Variants in PRM2 observed in about 807,000 individuals in gnomAD.
The protein encoded by PRM2 is protamine 2, also known as protamine-2.
A neutral mutation model predicts 10.7 loss-of-function variants in PRM2; 6 were observed. The ratio of observed to expected loss-of-function variants is 0.56; its 90% confidence interval spans 0.31 to 1.11. PRM2 has a LOEUF of 1.11. PRM2 is among the 50% of genes least tolerant of loss of function. The probability of loss-of-function intolerance (pLI) is 0.06; values close to 1 mark genes in which losing one functional copy is unlikely to be tolerated. For synonymous variants in PRM2, 64 were observed against 54.8 expected, an observed-to-expected ratio of 1.17 and a Z score of -0.74; for missense variants, 194 against 147.7, an observed-to-expected ratio of 1.31 and a Z score of -1.62.
chr16:11,276,452 T>C lies in PRM2; in HGVS notation c.-82A>G. On this transcript the variant is annotated 5_prime_UTR_variant, in exon 1 of 2. Coordinates refer to ENST00000241808, the MANE Select transcript of PRM2 (RefSeq NM_002762.4). ...GGAGGAGGGCGGAGGCCTGCCCACC[T>C]GCCCTTGGTGTTACTGTTGGTCTGG... 1 of 1,571,686 alleles carries C rather than the reference T, an allele frequency of 6.4e-7. No homozygotes were observed. The highest frequency in any genetic ancestry group is 8.7e-7 in the Non-Finnish European group (1 of 1,153,354).
In PRM2 at chr16:11,276,296, C is replaced by T. The variant is rs768979708; in HGVS notation, c.75G>A (p.Glu25=). The T allele has an allele frequency of 6.2e-7, 1 of 1,614,266 alleles. No homozygotes were observed. The highest frequency in any genetic ancestry group is 8.5e-7 in the Non-Finnish European group (1 of 1,180,046). Reference sequence around the variant, plus strand: ...GCTCCTCTTGGCCGTGGTGTCCTTGCTCTTGCCCATGCAACTGCTGCCTGT... The same window carrying T: ...GCTCCTCTTGGCCGTGGTGTCCTTGTTCTTGCCCATGCAACTGCTGCCTGT... ...EVYRQQLHGQ[E]QGHHGQEEQG... Residue 25 remains glutamate (E), a synonymous_variant, in exon 1 of 2, where the codon GAG becomes GAA. Coordinates refer to ENST00000241808, the MANE Select transcript of PRM2 (RefSeq NM_002762.4).
Position 11,276,440 on chromosome 16 carries a change from G to A in PRM2, c.-70C>T. 1 of 1,594,180 alleles carries A rather than the reference G, an allele frequency of 6.3e-7. No individual in the cohort carries two copies. Among genetic ancestry groups the A allele is most frequent in the Non-Finnish European group, 8.6e-7 (1 of 1,168,362 alleles). On this transcript the variant is annotated 5_prime_UTR_variant, in exon 1 of 2. Transcript: ENST00000241808. ...CCCTGGAGTAGGGGAGGAGGGCGGAGGCCTGCCCACCTGCCCTTGGTGTTA... is the reference window on the plus strand; with the variant it reads ...CCCTGGAGTAGGGGAGGAGGGCGGAAGCCTGCCCACCTGCCCTTGGTGTTA...
rs752229574 is a variant in PRM2, at chr16:11,276,263, C to T, written c.108G>A (p.Leu36=). ...CGTAGACCTCGACGTGCTCCGGGCT[C>T]AGCCCTTGCTCCTCTTGGCCGTGGT... is the stretch of plus-strand genomic sequence containing the variant. ...QGHHGQEEQG[L]SPEHVEVYER... The change falls in exon 1 of 2, where the codon CTG becomes CTA. Residue 36 remains leucine (L), a synonymous_variant. Transcript: ENST00000241808. 4 of 1,614,162 alleles carry T rather than the reference C, an allele frequency of 2.5e-6. No individual in the cohort carries two copies. The Admixed American group carries it at 5.0e-5, about 20-fold the overall frequency.
In PRM2 at chr16:11,275,778, A is replaced by G. The variant is rs2069846088; in HGVS notation, c.*122T>C. 1 of 1,573,000 alleles carries G rather than the reference A, an allele frequency of 6.4e-7. No individual in the cohort carries two copies. Among genetic ancestry groups the G allele is most frequent in the Non-Finnish European group, 8.6e-7 (1 of 1,159,092 alleles). On this transcript the variant is annotated 3_prime_UTR_variant, in exon 2 of 2. Coordinates refer to ENST00000241808, the MANE Select transcript of PRM2 (RefSeq NM_002762.4). ...TCACTCGGTGTTTCTTGGGCAGGTG[A>G]CTTTCTCTTAACTTCCAGCTGGGGG... is the stretch of plus-strand genomic sequence containing the variant.
In PRM2 at chr16:11,276,329, G is replaced by C; in HGVS notation, c.42C>G (p.His14Gln). 6.2e-7 allele frequency: 1 copy of C among 1,614,252 alleles called. No homozygotes were observed. The highest frequency in any genetic ancestry group is 1.7e-5 in the Admixed American group (1 of 60,034). The change falls in exon 1 of 2, where the codon CAC (histidine) becomes CAG (glutamine). Residue 14 changes from histidine to glutamine, a missense_variant. Transcript: ENST00000241808. ...YRVRSLSERS[H>Q]EVYRQQLHGQ... ...CATGCAACTGCTGCCTGTACACCTC[G>C]TGCGAGCGTTCGCTCAGGCTCCTCA...
chr16:11,276,192 C>T lies in PRM2; in HGVS notation c.179G>A (p.Arg60Gln), dbSNP rs201640369. The T allele has an allele frequency of 1.9e-5, 30 of 1,614,148 alleles. No homozygotes were observed. In the Admixed American group the frequency reaches 2.0e-4, roughly 11 times the overall value. ...QSHYRRRHCS[R>Q]RRLHRIHRRQ... The stretch of plus-strand genomic sequence containing the variant: ...CCTGTGGATCCGGTGCAGCCTCCTT[C>T]GAGAGCAGTGTCTGCGCCTATAGTG... The change falls in exon 1 of 2, where the codon CGA becomes CAA. Residue 60 changes from arginine (R) to glutamine (Q), a missense_variant. Coordinates refer to ENST00000241808, the MANE Select transcript of PRM2 (RefSeq NM_002762.4).
chr16:11,275,994 G>A lies in PRM2; in HGVS notation c.272-57C>T, dbSNP rs182114260. 1.3e-3 allele frequency: 2,064 copies of A among 1,612,592 alleles called. 4 individuals are homozygous for A. The highest frequency in any genetic ancestry group is 1.8e-3 in the South Asian group (159 of 90,840). ...TCACCTAGGGACTCTGGGTGGGGAC[G>A]GGGGTTAGGGGGCTGGAGCTTTTGT... On this transcript the variant is annotated intron_variant, in intron 1 of 1. Coordinates refer to ENST00000241808, the MANE Select transcript of PRM2 (RefSeq NM_002762.4).
At position 11,275,673 on chromosome 16, in the gene PRM2, G is replaced by T; in HGVS notation, c.*227C>A. The T allele has an allele frequency of 9.5e-7, 1 of 1,048,306 alleles. No individual in the cohort carries two copies. The highest frequency in any genetic ancestry group is 1.4e-6 in the Non-Finnish European group (1 of 725,740). The allele number at this position is 1,048,306 out of a possible 1,614,324, so 64.9% of individuals were successfully genotyped here. On this transcript the variant is annotated 3_prime_UTR_variant, in exon 2 of 2. Coordinates refer to ENST00000241808, the MANE Select transcript of PRM2 (RefSeq NM_002762.4). The stretch of plus-strand genomic sequence containing the variant: ...AAGCTTTATTGGGCAGGTGACTTTT[G>T]CTCGTTTCACTCAGATCTTGTGGGC...
At position 11,276,185 on chromosome 16, in the gene PRM2, C is replaced by T; in HGVS notation, c.186G>A (p.Arg62=). ...HYRRRHCSRR[R]LHRIHRRQHR... ...GCTGCCGCCTGTGGATCCGGTGCAG[C>T]CTCCTTCGAGAGCAGTGTCTGCGCC... The change falls in exon 1 of 2, where the codon AGG becomes AGA. Residue 62 remains arginine, a synonymous_variant. Coordinates refer to ENST00000241808, the MANE Select transcript of PRM2 (RefSeq NM_002762.4). The T allele has an allele frequency of 6.2e-7, 1 of 1,614,124 alleles. No homozygotes were observed. Among genetic ancestry groups the T allele is most frequent in the Middle Eastern group, 1.6e-4 (1 of 6,062 alleles).
Position 11,276,165 on chromosome 16 carries a change from C to A in PRM2, c.206G>T (p.Arg69Leu). Residue 69 changes from arginine (R) to leucine (L), a missense_variant, in exon 1 of 2, where the codon CGG becomes CTG. Coordinates refer to ENST00000241808, the MANE Select transcript of PRM2 (RefSeq NM_002762.4). ...SRRRLHRIHR[R>L]QHRSCRRRKR... is the part of the protein sequence containing the mutation. Reference sequence around the variant, plus strand: ...GCGCCTTCTGCAGGAGCGATGCTGCCGCCTGTGGATCCGGTGCAGCCTCCT... The same window carrying A: ...GCGCCTTCTGCAGGAGCGATGCTGCAGCCTGTGGATCCGGTGCAGCCTCCT... 6.2e-7 allele frequency: 1 copy of A among 1,613,952 alleles called. No individual in the cohort carries two copies. Among genetic ancestry groups the A allele is most frequent in the Non-Finnish European group, 8.5e-7 (1 of 1,180,026 alleles).
rs775712814 is a variant in PRM2, at chr16:11,276,234, C to G, written c.137G>C (p.Arg46Thr). 1.2e-6 allele frequency: 2 copies of G among 1,614,262 alleles called. No homozygotes were observed. Among genetic ancestry groups the G allele is most frequent in the South Asian group, 1.1e-5 (1 of 91,092 alleles). Residue 46 changes from arginine (R) to threonine (T), a missense_variant, in exon 1 of 2, where the codon AGG (arginine) becomes ACG (threonine). Arg to Thr is a moderately conservative substitution (Grantham distance 71, BLOSUM62 -1). Transcript: ENST00000241808. ...CCTATAGTGAGACTGGCCATGGGTC[C>G]TCTCGTAGACCTCGACGTGCTCCGG... The part of the protein sequence containing the change: ...LSPEHVEVYE[R>T]THGQSHYRRR...
In PRM2 at chr16:11,276,364, G is replaced by A. The variant is rs754565431; in HGVS notation, c.7C>T (p.Arg3Ter). 5.5e-5 allele frequency: 89 copies of A among 1,614,144 alleles called. No individual in the cohort carries two copies. The highest frequency in any genetic ancestry group is 7.1e-5 in the Non-Finnish European group (84 of 1,180,012). ...TCGCTCAGGCTCCTCACGCGGTATCGGACCATGGTGTTGGGAGATCTGGTG... is the reference window on the plus strand; with the variant it reads ...TCGCTCAGGCTCCTCACGCGGTATCAGACCATGGTGTTGGGAGATCTGGTG... MV[R>*]YRVRSLSERS... Residue 3 changes from arginine to a stop codon, truncating the protein, a stop_gained, in exon 1 of 2, where the codon CGA becomes TGA. Transcript: ENST00000241808. LOFTEE classifies it high-confidence loss of function.
chr16:11,275,966 G>A, intron 1 of PRM2, 29 bp from the exon 2 acceptor site: 1 of 1,614,002 alleles, frequency 6.2e-7, no homozygotes, highest in Non-Finnish European at 8.5e-7. Flanking sequence ...CTGGTTGAGG[G>A]GGTCACCTAG....
Position 11,276,231 on chromosome 16 carries a change from G to A in PRM2, c.140C>T (p.Thr47Ile), listed in dbSNP as rs772103171. The change falls in exon 1 of 2, where the codon ACC becomes ATC. Residue 47 changes from threonine to isoleucine, a missense_variant. Thr to Ile is a moderately conservative substitution (Grantham distance 89, BLOSUM62 -1). Transcript: ENST00000241808. ...SPEHVEVYERTHGQSHYRRRH... is the reference protein window; with the variant it reads ...SPEHVEVYERIHGQSHYRRRH... ...GCGCCTATAGTGAGACTGGCCATGG[G>A]TCCTCTCGTAGACCTCGACGTGCTC... is the stretch of plus-strand genomic sequence containing the variant. 6 of 1,614,248 alleles carry A rather than the reference G, an allele frequency of 3.7e-6. No homozygotes were observed. Among genetic ancestry groups the A allele is most frequent in the East Asian group, 4.5e-5 (2 of 44,888 alleles).
Position 11,276,159 on chromosome 16 carries a change from T to C in PRM2, c.212A>G (p.His71Arg). 6.2e-7 allele frequency: 1 copy of C among 1,613,920 alleles called. No homozygotes were observed. The highest frequency in any genetic ancestry group is 8.5e-7 in the Non-Finnish European group (1 of 1,180,030). Reference protein sequence around the residue: ...RRLHRIHRRQHRSCRRRKRRS... With the variant: ...RRLHRIHRRQRRSCRRRKRRS... ...TCTTTTGCGCCTTCTGCAGGAGCGA[T>C]GCTGCCGCCTGTGGATCCGGTGCAG... Residue 71 changes from histidine to arginine, a missense_variant, in exon 1 of 2, where the codon CAT (histidine) becomes CGT (arginine). By Grantham distance (29) the His-to-Arg change is conservative. Coordinates refer to ENST00000241808, the MANE Select transcript of PRM2 (RefSeq NM_002762.4).
At position 11,275,748 on chromosome 16, in the gene PRM2, T is replaced by G. The variant is rs1255249906; in HGVS notation, c.*152A>C. ...AGCATTTGATGTAGGGGAGTTGCTA[T>G]GGCCTCACTCGGTGTTTCTTGGGCA... On this transcript the variant is annotated 3_prime_UTR_variant, in exon 2 of 2. Transcript: ENST00000241808. 1.3e-6 allele frequency: 2 copies of G among 1,529,642 alleles called. No homozygotes were observed. Among genetic ancestry groups the G allele is most frequent in the African/African-American group, 2.7e-5 (2 of 72,964 alleles). 94.8% of individuals were successfully genotyped at this position (1,529,642 alleles called of 1,614,324 possible). A position where few individuals can be genotyped will look rare whatever the true frequency, so the allele number is the denominator to read the frequency against.
At position 11,276,090 on chromosome 16, in the gene PRM2, G is replaced by T; in HGVS notation, c.271+10C>A. On this transcript the variant is annotated intron_variant, in intron 1 of 1. Coordinates refer to ENST00000241808, the MANE Select transcript of PRM2 (RefSeq NM_002762.4). ...GGGACATGCAGGGCAAGGCGGGGGC[G>T]CAGGCAGACCTCTGCGATGCCTCCT... The T allele has an allele frequency of 6.2e-7, 1 of 1,609,344 alleles. No individual in the cohort carries two copies. Among genetic ancestry groups the T allele is most frequent in the East Asian group, 2.2e-5 (1 of 44,840 alleles).
At chr16:11,275,982 CTGGG>C (rs1461510801) in intron 1 of PRM2, 45 bp from the exon 2 acceptor site, 1 of 1,594,124 alleles carries the variant, frequency 6.3e-7, no homozygotes, top group Non-Finnish European at 8.6e-7. Flanking sequence ...CCTAGGGACT[CTGGG>C]TGGGGACGGG....
In PRM2 at chr16:11,275,646, T is replaced by C. The variant is rs545775979; in HGVS notation, c.*254A>G. The C allele has an allele frequency of 2.5e-5, 21 of 839,704 alleles. 1 individual carries two copies. Among genetic ancestry groups the C allele is most frequent in the African/African-American group, 1.7e-4 (10 of 58,298 alleles). The allele number at this position is 839,704 out of a possible 1,614,324, so 52.0% of individuals were successfully genotyped here. A position where few individuals can be genotyped will look rare whatever the true frequency, so the allele number is the denominator to read the frequency against. On this transcript the variant is annotated 3_prime_UTR_variant, in exon 2 of 2. Coordinates refer to ENST00000241808, the MANE Select transcript of PRM2 (RefSeq NM_002762.4). ...ACCCGACAGGCCAGCGAGTGTCTTG[T>C]CAAGCTTTATTGGGCAGGTGACTTT...
Sources: allele counts gnomAD v4.1 joint callset, GRCh38; gene constraint gnomAD v4.1.1; transcripts MANE v1.5; gene names NCBI Gene and HGNC (gene_info 2026-07-23, HGNC 2026-07-21).